GSKIP: variants seen among roughly 807,000 people sequenced by gnomAD.
The protein encoded by GSKIP is GSK3B-interacting protein.
A neutral mutation model predicts 11.9 loss-of-function variants in GSKIP; 5 were observed. That is an observed-to-expected ratio of 0.42 (90% CI 0.22 to 0.89). The LOEUF is 0.89. GSKIP is among the 40% of genes least tolerant of loss of function. The probability of loss-of-function intolerance (pLI) is 0.29; values close to 1 mark genes in which losing one functional copy is unlikely to be tolerated. For synonymous variants in GSKIP, 70 were observed against 62.9 expected, an observed-to-expected ratio of 1.11 and a Z score of -0.54; for missense variants, 150 against 166.6, an observed-to-expected ratio of 0.90 and a Z score of 0.55.
chr14:96,371,664 C>T (rs911069327), intron 1 of GSKIP, among the ~76,000 whole-genome samples: 2 of 152,092 alleles, frequency 1.3e-5, no homozygotes, highest in African/African-American at 4.8e-5. Context: ...CCAGACTGGT[C>T]ACAAACTCCT....
chr14:96,382,363 C>T lies in GSKIP; in HGVS notation c.116C>T (p.Ala39Val), dbSNP rs767262215. The T allele has an allele frequency of 6.2e-7, 1 of 1,613,818 alleles. No individual in the cohort carries two copies. The change falls in exon 3 of 4, where the codon GCA (alanine) becomes GTA (valine). Residue 39 changes from alanine (A) to valine (V), a missense_variant. By Grantham distance (64) the Ala-to-Val change is moderately conservative. Transcript: ENST00000555181. ...AAAGACATGAGGCTCGAAGCTGAAG[C>T]AGTTGTAAATGATGTTCTCTTTGCT... ...DMKDMRLEAE[A>V]VVNDVLFAVN... is the part of the protein sequence containing the mutation.
intron 1 of GSKIP, among the ~76,000 whole-genome samples, chr14:96,366,004 A>C (rs1888870830): frequency 6.6e-6 from 1 of 152,056 alleles, no homozygotes; most frequent in South Asian, 2.1e-4. Context: ...GAAGGATATC[A>C]CCGTAATGCA....
intron 1 of GSKIP, among the ~76,000 whole-genome samples, chr14:96,374,333 GAC>G (rs1889138856): frequency 6.6e-6 from 1 of 152,056 alleles, no homozygotes; most frequent in East Asian, 1.9e-4. Flanking sequence ...AGAGGATAGG[GAC>G]ACATAAATGT....
chr14:96,375,508 A>T (rs1008645687), intron 1 of GSKIP, among the ~76,000 whole-genome samples: 1 of 149,128 alleles, frequency 6.7e-6, no homozygotes, highest in Non-Finnish European at 1.5e-5. Flanking sequence ...ATCTCGGCTC[A>T]CTGCAACCTC....
intron 1 of GSKIP, among the ~76,000 whole-genome samples, chr14:96,371,621 A>AT (rs1360796564): frequency 6.6e-6 from 1 of 151,694 alleles, no homozygotes; most frequent in Middle Eastern, 3.2e-3. Flanking sequence ...ATTTTTTTCT[A>AT]TTTTTAGTAG....
At chr14:96,365,568 T>C (rs1236266076) in intron 1 of GSKIP, among the ~76,000 whole-genome samples, 1 of 92,226 alleles carries the variant, frequency 1.1e-5, no homozygotes, top group African/African-American at 4.6e-5. Flanking sequence ...AGTGGCTCAC[T>C]CCTGTAATCC....
chr14:96,381,931 T>G (rs980048897), intron 2 of GSKIP, among the ~76,000 whole-genome samples: 1 of 152,202 alleles, frequency 6.6e-6, no homozygotes, highest in African/African-American at 2.4e-5. Context: ...TTTAAAAATA[T>G]GTACTAGGAT....
At chr14:96,368,030 A>ATTCT (rs1888940547) in intron 1 of GSKIP, among the ~76,000 whole-genome samples, 2 of 152,080 alleles carry the variant, frequency 1.3e-5, no homozygotes, top group African/African-American at 2.4e-5. Context: ...AGTGCCAAGT[A>ATTCT]ATACTTATTT....
intron 1 of GSKIP, among the ~76,000 whole-genome samples, chr14:96,367,659 T>G (rs1888925706): frequency 6.6e-6 from 1 of 152,126 alleles, no homozygotes; most frequent in Non-Finnish European, 1.5e-5. Context: ...TCTAATAAAT[T>G]AGGAAGTAAA....
Position 96,385,637 on chromosome 14 carries a change from G to A in GSKIP, c.373G>A (p.Ala125Thr), listed in dbSNP as rs1025603066. Reference sequence around the variant, plus strand: ...CGCCTACCGAGAAGCATTTGGAAACGCACTGCTTCAAAGACTGGAAGCTTT... The same window carrying A: ...CGCCTACCGAGAAGCATTTGGAAACACACTGCTTCAAAGACTGGAAGCTTT... ...SPAYREAFGN[A>T]LLQRLEALKR... The change falls in exon 4 of 4, where the codon GCA becomes ACA. Residue 125 changes from alanine to threonine, a missense_variant. Physicochemically the swap from Ala to Thr is moderately conservative, Grantham distance 58. Transcript: ENST00000555181. 21 of 1,613,222 alleles carry A rather than the reference G, an allele frequency of 1.3e-5. No homozygotes were observed. Among genetic ancestry groups the A allele is most frequent in the Non-Finnish European group, 1.7e-5 (20 of 1,179,622 alleles).
In GSKIP at chr14:96,382,313, G is replaced by T; in HGVS notation, c.66G>T (p.Leu22=). Residue 22 remains leucine, a synonymous_variant, in exon 3 of 4, where the codon CTG becomes CTT. Coordinates refer to ENST00000555181, the MANE Select transcript of GSKIP (RefSeq NM_016472.5). ...CAGGATTTGAAGAAGGTTCAGAGCT[G>T]AACGGTTTTGAAGGAACTGACATGA... The part of the protein sequence containing the change: ...SMSGFEEGSE[L]NGFEGTDMKD... 1 of 1,613,232 alleles carries T rather than the reference G, an allele frequency of 6.2e-7. No individual in the cohort carries two copies. Among genetic ancestry groups the T allele is most frequent in the Non-Finnish European group, 8.5e-7 (1 of 1,179,506 alleles).
intron 1 of GSKIP, among the ~76,000 whole-genome samples, chr14:96,368,541 C>G (rs1174423936): frequency 6.6e-6 from 1 of 152,172 alleles, no homozygotes; most frequent in Non-Finnish European, 1.5e-5. Context: ...TGAGTTCCCT[C>G]CTTAATCAAC....
chr14:96,381,705 T>C (rs540745277), intron 2 of GSKIP, among the ~76,000 whole-genome samples: 229 of 152,370 alleles, frequency 1.5e-3, no homozygotes, highest in African/African-American at 5.4e-3. Context: ...TGAGCTATCA[T>C]TCTTTGCCTC....
At chr14:96,366,323 G>A (rs1416371065) in intron 1 of GSKIP, among the ~76,000 whole-genome samples, 1 of 152,202 alleles carries the variant, frequency 6.6e-6, no homozygotes, top group East Asian at 1.9e-4. Context: ...TATCCATAGA[G>A]TGCCTGCAAT....
At chr14:96,369,280 A>C (rs915911246) in intron 1 of GSKIP, among the ~76,000 whole-genome samples, 2 of 152,234 alleles carry the variant, frequency 1.3e-5, no homozygotes, top group Non-Finnish European at 2.9e-5. Flanking sequence ...AATGACCTAA[A>C]GTTGGAATTT....
rs1437598268 is a variant in GSKIP at position 96,379,862 on chromosome 14, C to A, written c.-2+74C>A. ...ATGTAAAACTTTCTCATATAAACAT[C>A]TTTTTATGTAATGATCATTATTTCT... On this transcript the variant is annotated intron_variant, in intron 2 of 3. Coordinates refer to ENST00000555181, the MANE Select transcript of GSKIP (RefSeq NM_016472.5). The A allele has an allele frequency of 2.0e-5, 3 of 152,078 alleles. No individual in the cohort carries two copies. In the East Asian group the frequency reaches 5.8e-4, roughly 29 times the overall value. The allele number at this position is 152,078 out of a possible 1,614,324, so 9.4% of individuals were successfully genotyped here. A position where few individuals can be genotyped will look rare whatever the true frequency, so the allele number is the denominator to read the frequency against.
At chr14:96,371,398 C>T (rs1162608647) in intron 1 of GSKIP, among the ~76,000 whole-genome samples, 2 of 151,700 alleles carry the variant, frequency 1.3e-5, no homozygotes, top group African/African-American at 4.8e-5. Flanking sequence ...TTTCTTTTCA[C>T]CATAGGAAAA....
intron 3 of GSKIP, among the ~76,000 whole-genome samples, chr14:96,383,978 G>A (rs143469743): frequency 1.3e-5 from 2 of 152,218 alleles, no homozygotes; most frequent in African/African-American, 4.8e-5. Context: ...AGTCTTAAAT[G>A]TGAATTTAAG....
chr14:96,382,241 T>C lies in GSKIP; in HGVS notation c.-1-6T>C. 6.5e-7 allele frequency: 1 copy of C among 1,542,702 alleles called. No homozygotes were observed. The highest frequency in any genetic ancestry group is 8.7e-7 in the Non-Finnish European group (1 of 1,145,784). The stretch of plus-strand genomic sequence containing the variant: ...ATTTTATAACTGCTTTTTTTTTTTT[T>C]TACAGAATGGAAACAGACTGTAATC... On this transcript the variant is annotated splice_polypyrimidine_tract_variant and splice_region_variant and intron_variant, in intron 2 of 3. Coordinates refer to ENST00000555181, the MANE Select transcript of GSKIP (RefSeq NM_016472.5).
Sources: allele counts gnomAD v4.1 joint callset (sites outside exome capture counted in the v4.1 genomes callset), GRCh38; gene constraint gnomAD v4.1.1; transcripts MANE v1.5; gene names NCBI Gene and HGNC (gene_info 2026-07-23, HGNC 2026-07-21).